NEK10: variants seen among roughly 807,000 people sequenced by gnomAD.
NEK10 encodes NIMA related kinase 10.
NEK10 carries 122 observed loss-of-function variants against 159.8 expected under a neutral mutation model. The ratio of observed to expected loss-of-function variants is 0.76; its 90% CI spans 0.66 to 0.89. The LOEUF (loss-of-function observed/expected upper bound fraction) is 0.89. NEK10 is among the 40% of genes least tolerant of loss of function. The pLI is 0.00. For synonymous variants in NEK10, 466 were observed against 457.1 expected (o/e 1.02, Z -0.25); for missense variants, 1,342 against 1,323.1 (o/e 1.01, Z -0.22).
chr3:27,112,157 GTCCAAGCAGTC>G (rs1939663218), intron 35 of NEK10, among the ~76,000 whole-genome samples: 1 of 152,118 alleles, frequency 6.6e-6, no homozygotes, highest in South Asian at 2.1e-4. Context: ...CTTCCTAACT[GTCCAAGCAGTC>G]TCCTCATGAT....
chr3:27,207,903 T>C (rs1950657920), intron 23 of NEK10, among the ~76,000 whole-genome samples: 2 of 152,170 alleles, frequency 1.3e-5, no homozygotes, highest in Non-Finnish European at 2.9e-5. Flanking sequence ...GGTGACATAA[T>C]TAAGTCTGTG....
At chr3:27,176,860 T>C (rs1366897656) in intron 26 of NEK10, among the ~76,000 whole-genome samples, 1 of 152,220 alleles carries the variant, frequency 6.6e-6, no homozygotes, top group Non-Finnish European at 1.5e-5. Flanking sequence ...AGAAAACTTT[T>C]TATTCTGTCG....
At chr3:27,326,570 G>C (rs976340663) in intron 5 of NEK10, among the ~76,000 whole-genome samples, 4 of 149,682 alleles carry the variant, frequency 2.7e-5, no homozygotes, top group Non-Finnish European at 4.4e-5. Context: ...CCAGGAAAAA[G>C]AAAAGAACAA....
At chr3:27,342,783 A>T (rs1380886359) in intron 5 of NEK10, among the ~76,000 whole-genome samples, 1 of 151,950 alleles carries the variant, frequency 6.6e-6, no homozygotes, top group Admixed American at 6.6e-5. Flanking sequence ...TCTACTGGGC[A>T]TCTCTTGAAG....
At chr3:27,206,252 C>T (rs1486884155) in intron 23 of NEK10, among the ~76,000 whole-genome samples, 1 of 152,130 alleles carries the variant, frequency 6.6e-6, no homozygotes, top group Admixed American at 6.5e-5. Flanking sequence ...GCACTAGTGA[C>T]TAGTAGAAGT....
At chr3:27,234,059 T>A (rs1244535389) in intron 23 of NEK10, among the ~76,000 whole-genome samples, 3 of 151,992 alleles carry the variant, frequency 2.0e-5, no homozygotes, top group African/African-American at 7.2e-5. Context: ...AGGCTTTCAA[T>A]AAAATTCAAC....
chr3:27,261,187 G>T (rs1386907107), intron 22 of NEK10, among the ~76,000 whole-genome samples: 1 of 152,010 alleles, frequency 6.6e-6, no homozygotes, highest in Non-Finnish European at 1.5e-5. Flanking sequence ...TGGATTCATT[G>T]ATTTTTTGAA....
chr3:27,173,835 A>C (rs1324575902), intron 28 of NEK10, among the ~76,000 whole-genome samples: 1 of 151,808 alleles, frequency 6.6e-6, no homozygotes, highest in African/African-American at 2.4e-5. Flanking sequence ...ATTTTATTCT[A>C]TCTCTCTTTA....
At chr3:27,297,829 C>G (rs1294466841) in intron 13 of NEK10, among the ~76,000 whole-genome samples, 1 of 152,166 alleles carries the variant, frequency 6.6e-6, no homozygotes, top group African/African-American at 2.4e-5. Flanking sequence ...CTGTGGCAGC[C>G]TTTGGTGGTA....
In NEK10 at chr3:27,301,556, C is replaced by A. The variant is rs1270526999; in HGVS notation, c.1168+140G>T. 1.3e-5 allele frequency: 8 copies of A among 638,004 alleles called. No individual in the cohort carries two copies. The Admixed American group carries it at 1.7e-4, about 14-fold the overall frequency. 39.5% of individuals were successfully genotyped at this position (638,004 alleles called of 1,614,324 possible). On this transcript the variant is annotated intron_variant, in intron 13 of 35. Transcript: ENST00000691995. ...GTCCAACACTGGGACCAAGAAGTTT[C>A]TGGCATCCATGTGGATTTCACTTTA...
intron 1 of NEK10, among the ~76,000 whole-genome samples, chr3:27,358,359 T>A (rs2048459362): frequency 6.6e-6 from 1 of 152,206 alleles, no homozygotes; most frequent in Non-Finnish European, 1.5e-5. Context: ...TTTCCAAACC[T>A]CAGGGTTTGG....
chr3:27,263,205 T>C (rs537958478), intron 22 of NEK10, among the ~76,000 whole-genome samples: 9 of 152,308 alleles, frequency 5.9e-5, no homozygotes, highest in African/African-American at 1.9e-4. Flanking sequence ...TACACGGCCA[T>C]GTGAGGTGTC....
At chr3:27,139,932 C>T (rs1943616627) in intron 31 of NEK10, among the ~76,000 whole-genome samples, 1 of 152,222 alleles carries the variant, frequency 6.6e-6, no homozygotes, top group Admixed American at 6.5e-5. Context: ...CCTGTGGTTG[C>T]TCTCCTTTGG....
chr3:27,348,783 C>A (rs1347902280), intron 3 of NEK10, among the ~76,000 whole-genome samples: 2 of 152,126 alleles, frequency 1.3e-5, no homozygotes, highest in Non-Finnish European at 2.9e-5. Context: ...AATTTGGCCA[C>A]CCTGAGGGCA....
intron 12 of NEK10, among the ~76,000 whole-genome samples, chr3:27,304,466 T>G (rs1575662607): frequency 1.3e-5 from 2 of 152,318 alleles, no homozygotes; most frequent in East Asian, 3.9e-4. Context: ...CTTCATTATA[T>G]TTGCAGATTG....
chr3:27,252,876 T>C (rs1045747901), intron 23 of NEK10: 2 of 513,136 alleles, frequency 3.9e-6, no homozygotes, highest in Non-Finnish European at 7.8e-6. Context: ...GGTTGTCTGC[T>C]TGTGGCCATA....
chr3:27,149,598 T>C (rs984533406), intron 30 of NEK10, among the ~76,000 whole-genome samples: 1 of 152,164 alleles, frequency 6.6e-6, no homozygotes, highest in Non-Finnish European at 1.5e-5. Flanking sequence ...TCATATAAGA[T>C]AGTAAACTTA....
At chr3:27,288,975 C>T (rs559253733) in intron 19 of NEK10, among the ~76,000 whole-genome samples, 3 of 152,258 alleles carry the variant, frequency 2.0e-5, no homozygotes, top group East Asian at 3.9e-4. Flanking sequence ...GGTGAGGCTA[C>T]CACTCAGTTC....
chr3:27,341,200 G>T (rs1023790749), intron 5 of NEK10, among the ~76,000 whole-genome samples: 3 of 152,114 alleles, frequency 2.0e-5, no homozygotes, highest in African/African-American at 4.8e-5. Context: ...GTCCAGGAAG[G>T]GTGGGTGAGT....
Sources: allele counts gnomAD v4.1 joint callset (sites outside exome capture counted in the v4.1 genomes callset), GRCh38; gene constraint gnomAD v4.1.1; transcripts MANE v1.5; gene names NCBI Gene and HGNC (gene_info 2026-07-23, HGNC 2026-07-21).